The following LDLRAD3 variants were observed in gnomAD, a reference collection of about 807,000 sequenced individuals.
LDLRAD3 encodes low density lipoprotein receptor class A domain containing 3.
Under a neutral mutation model 29.4 loss-of-function variants are expected in LDLRAD3, and 20 were observed. The ratio of observed to expected loss-of-function variants is 0.68; its 90% CI spans 0.48 to 0.99. The LOEUF (loss-of-function observed/expected upper bound fraction) is 0.99, where lower values mean the gene tolerates loss of function less well. Among genes scored for constraint, LDLRAD3 ranks in the 50% least tolerant of loss-of-function variants. LDLRAD3 has a pLI of 0.00. For missense variants in LDLRAD3, 420 were observed against 454.3 expected, an observed-to-expected ratio of 0.92 and a Z score of 0.69; for synonymous variants, 157 against 192.7, an observed-to-expected ratio of 0.81 and a Z score of 1.53.
At chr11:36,085,219 G>T (rs760158095) in intron 3 of LDLRAD3, among the ~76,000 whole-genome samples, 20 of 152,158 alleles carry the variant, frequency 1.3e-4, no homozygotes, top group Non-Finnish European at 2.5e-4. Context: ...TGAGCTGACA[G>T]TTCTTTTCTA....
chr11:36,228,089 G>A (rs1303710664), intron 5 of LDLRAD3, among the ~76,000 whole-genome samples: 1 of 152,194 alleles, frequency 6.6e-6, no homozygotes, highest in African/African-American at 2.4e-5. Context: ...TGTAGTTGAA[G>A]CAAGCAGTGG....
intron 4 of LDLRAD3, among the ~76,000 whole-genome samples, chr11:36,143,161 G>A (rs1261924779): frequency 1.3e-5 from 2 of 152,166 alleles, no homozygotes; most frequent in Non-Finnish European, 2.9e-5. Flanking sequence ...TTTGCCTGGG[G>A]TCACCTAGGA....
At chr11:36,062,249 T>C (rs1445981687) in intron 2 of LDLRAD3, among the ~76,000 whole-genome samples, 2 of 152,216 alleles carry the variant, frequency 1.3e-5, no homozygotes, top group African/African-American at 2.4e-5. Context: ...CCATATGATA[T>C]AGAATATAAA....
chr11:36,090,548 G>C (rs1277713294), intron 3 of LDLRAD3, among the ~76,000 whole-genome samples: 1 of 152,142 alleles, frequency 6.6e-6, no homozygotes, highest in African/African-American at 2.4e-5. Flanking sequence ...GGCAGGGTTG[G>C]GTGTTGGACA....
chr11:36,116,417 C>T (rs1853675123), intron 4 of LDLRAD3, among the ~76,000 whole-genome samples: 1 of 152,012 alleles, frequency 6.6e-6, no homozygotes, highest in South Asian at 2.1e-4. Flanking sequence ...GTGAAACCGA[C>T]CCTCTTCCAG....
chr11:36,097,946 G>C (rs1183838895), intron 3 of LDLRAD3, among the ~76,000 whole-genome samples: 1 of 152,198 alleles, frequency 6.6e-6, no homozygotes, highest in South Asian at 2.1e-4. Context: ...ATTATAGCCT[G>C]GTCTAAAAGT....
At chr11:35,954,778 C>A (rs1159495763) in intron 1 of LDLRAD3, among the ~76,000 whole-genome samples, 2 of 152,142 alleles carry the variant, frequency 1.3e-5, no homozygotes, top group Non-Finnish European at 2.9e-5. Context: ...TGTATTATAG[C>A]AATTTTAAAT....
At chr11:35,945,118 A>G (rs867506784) in intron 1 of LDLRAD3, among the ~76,000 whole-genome samples, 17 of 152,334 alleles carry the variant, frequency 1.1e-4, no homozygotes, top group Middle Eastern at 6.8e-3. Flanking sequence ...GACAGGGCCC[A>G]GTGAACTTTC....
chr11:36,168,799 C>T (rs1435701090), intron 4 of LDLRAD3, among the ~76,000 whole-genome samples: 1 of 152,130 alleles, frequency 6.6e-6, no homozygotes, highest in Non-Finnish European at 1.5e-5. Context: ...TTCCCCTTAA[C>T]AATGGTAGCA....
intron 2 of LDLRAD3, among the ~76,000 whole-genome samples, chr11:36,052,874 C>T (rs1012939682): frequency 6.6e-6 from 1 of 152,050 alleles, no homozygotes. Flanking sequence ...AAATGCTGCC[C>T]AGGTCCTAGA....
At position 36,190,442 on chromosome 11, in the gene LDLRAD3, G is replaced by A. The variant is rs577817905; in HGVS notation, c.455-36643G>A. Among the ~76,000 whole-genome samples, 21 of 152,258 alleles carry A rather than the reference G, an allele frequency of 1.4e-4. No individual in the cohort carries two copies. The South Asian group carries it at 2.1e-3, about 15-fold the overall frequency. The stretch of plus-strand genomic sequence containing the variant: ...TTGATCCCAGGAGTTAAAGTCTGCC[G>A]TGAGTTATGATTGCACCACTGCATT... On this transcript the variant is annotated intron_variant, in intron 4 of 5. Coordinates refer to ENST00000315571, the MANE Select transcript of LDLRAD3 (RefSeq NM_174902.4).
At chr11:36,038,971 C>CTTTTTT (rs67593168) in intron 2 of LDLRAD3, among the ~76,000 whole-genome samples, 1 of 102,452 alleles carries the variant, frequency 9.8e-6, no homozygotes, top group Non-Finnish European at 2.5e-5. Flanking sequence ...AAATTTCTTT[C>CTTTTTT]TTTTTTTTTT....
At chr11:36,047,596 A>G (rs1852468388) in intron 2 of LDLRAD3, among the ~76,000 whole-genome samples, 1 of 152,200 alleles carries the variant, frequency 6.6e-6, no homozygotes, top group Non-Finnish European at 1.5e-5. Flanking sequence ...CAAACAGATA[A>G]ATGCACCATG....
chr11:36,116,844 C>CTTTTT (rs58819693), intron 4 of LDLRAD3, among the ~76,000 whole-genome samples: 1 of 136,986 alleles, frequency 7.3e-6, no homozygotes, highest in African/African-American at 2.7e-5. Context: ...TTCTTTTTTT[C>CTTTTT]TTTTTTTTTT....
intron 2 of LDLRAD3, among the ~76,000 whole-genome samples, chr11:36,054,711 GTGGA>G (rs71044545): frequency 6.8e-6 from 1 of 146,220 alleles, no homozygotes; most frequent in Admixed American, 6.8e-5. Context: ...GGATGGGTGG[GTGGA>G]TGGATGGATG....
chr11:36,204,486 TTCTC>T (rs1855176334), intron 4 of LDLRAD3, among the ~76,000 whole-genome samples: 5 of 117,714 alleles, frequency 4.2e-5, no homozygotes, highest in Non-Finnish European at 3.5e-5. Context: ...TCATTGGAGT[TTCTC>T]TCTCTTTCTT....
intron 2 of LDLRAD3, among the ~76,000 whole-genome samples, chr11:36,056,564 G>A (rs1438637590): frequency 6.6e-6 from 1 of 152,174 alleles, no homozygotes; most frequent in African/African-American, 2.4e-5. Context: ...ACCACGGCAG[G>A]TCTGTATGGA....
intron 4 of LDLRAD3, among the ~76,000 whole-genome samples, chr11:36,143,483 C>A (rs1361606786): frequency 6.6e-6 from 1 of 152,210 alleles, no homozygotes; most frequent in Non-Finnish European, 1.5e-5. Flanking sequence ...TCAGAAATAA[C>A]CTCATTGGGC....
intron 4 of LDLRAD3, among the ~76,000 whole-genome samples, chr11:36,210,268 C>T (rs16928552): frequency 0.067 from 10,172 of 152,202 alleles, 442 homozygotes; most frequent in East Asian, 0.17. Context: ...TGTATCACAT[C>T]AGACGGTGTA....
Sources: gnomAD v4.1 joint callset for allele counts (sites outside exome capture counted in the v4.1 genomes callset) on GRCh38, gnomAD v4.1.1 for gene constraint, MANE v1.5 for transcripts, NCBI Gene and HGNC (gene_info 2026-07-23, HGNC 2026-07-21) for gene names.